Variants in TOX observed in about 807,000 individuals in gnomAD.
TOX encodes the protein thymocyte selection associated high mobility group box, also known as thymocyte selection-associated high mobility group box protein TOX.
A neutral mutation model predicts 53.7 loss-of-function variants in TOX; 11 were observed. The ratio of observed to expected loss-of-function variants is 0.20; its 90% CI spans 0.13 to 0.34. The LOEUF is 0.34. TOX is among the 10% of genes least tolerant of loss of function. The pLI, the probability that TOX is intolerant of heterozygous loss-of-function variation, is 1.00. For missense variants in TOX, 570 were observed against 664.6 expected (o/e 0.86, Z 1.56); for synonymous variants, 225 against 245.3 (o/e 0.92, Z 0.77).
chr8:59,041,876 T>C (rs1237011742), intron 1 of TOX, among the ~76,000 whole-genome samples: 1 of 152,250 alleles, frequency 6.6e-6, no homozygotes, highest in Non-Finnish European at 1.5e-5. Flanking sequence ...CTTCTACATT[T>C]AAAATTCTAA....
chr8:58,859,103 C>T (rs915480297), intron 3 of TOX, among the ~76,000 whole-genome samples: 5 of 152,108 alleles, frequency 3.3e-5, no homozygotes, highest in African/African-American at 7.2e-5. Context: ...TTAAATAAAT[C>T]GTTTTTACGT....
At chr8:59,059,054 GC>G (rs1393482715) in intron 1 of TOX, among the ~76,000 whole-genome samples, 1 of 152,142 alleles carries the variant, frequency 6.6e-6, no homozygotes, top group Non-Finnish European at 1.5e-5. Context: ...GAGTAATCTG[GC>G]CAGAGAGGAT....
chr8:58,923,779 G>A (rs1397337705), intron 3 of TOX, among the ~76,000 whole-genome samples: 1 of 152,124 alleles, frequency 6.6e-6, no homozygotes, highest in Admixed American at 6.5e-5. Flanking sequence ...TAGCTTACCA[G>A]GACCTGGGTT....
chr8:58,952,152 T>A (rs1397975563), intron 2 of TOX, among the ~76,000 whole-genome samples: 2 of 152,150 alleles, frequency 1.3e-5, no homozygotes, highest in South Asian at 4.1e-4. Context: ...CAGAAGACAC[T>A]GGGGTAGGTG....
intron 4 of TOX, among the ~76,000 whole-genome samples, chr8:58,845,677 G>C (rs564257496): frequency 1.3e-5 from 2 of 152,198 alleles, no homozygotes; most frequent in South Asian, 2.1e-4. Flanking sequence ...AGTTTGTAAA[G>C]CAATTTCATT....
chr8:59,045,282 T>C lies in TOX; in HGVS notation c.102+73604A>G, dbSNP rs7843389. ...TTAGAAGCAACTGCACTGTATTTCT[T>C]TTCAAATATGAAAGAGAGTTTCACC... is the stretch of plus-strand genomic sequence containing the variant. On this transcript the variant is annotated intron_variant, in intron 1 of 8. Transcript: ENST00000361421. 8.7e-3 allele frequency among the ~76,000 whole-genome samples: 1,320 copies of C among 152,324 alleles called. 23 individuals are homozygous for C. Among genetic ancestry groups the C allele is most frequent in the African/African-American group, 0.03 (1,262 of 41,574 alleles).
intron 3 of TOX, among the ~76,000 whole-genome samples, chr8:58,864,155 T>G (rs568906239): frequency 6.6e-6 from 1 of 152,100 alleles, no homozygotes; most frequent in Non-Finnish European, 1.5e-5. Context: ...AAAACAATCA[T>G]GTGGCCTTTC....
chr8:58,910,095 C>T, intron 3 of TOX, among the ~76,000 whole-genome samples: 1 of 152,064 alleles, frequency 6.6e-6, no homozygotes, highest in Non-Finnish European at 1.5e-5. Flanking sequence ...TTAAATGGCC[C>T]TAATTGTGCC....
chr8:59,064,138 C>A (rs1355890205), intron 1 of TOX, among the ~76,000 whole-genome samples: 1 of 152,108 alleles, frequency 6.6e-6, no homozygotes, highest in Admixed American at 6.5e-5. Flanking sequence ...ATTGTAATTA[C>A]CATGTTCCCT....
At position 58,953,774 on chromosome 8, in the gene TOX, A is replaced by G. The variant is rs116423773; in HGVS notation, c.168+6169T>C. Among the ~76,000 whole-genome samples, 723 of 152,306 alleles carry G rather than the reference A, an allele frequency of 4.7e-3. 2 individuals carry two copies. Among genetic ancestry groups the G allele is most frequent in the African/African-American group, 0.017 (699 of 41,566 alleles). ...ACTTCTGAAATTTCTGCCAAAAGGA[A>G]CTAATCCAAAAGGAATTGGTTTAAT... On this transcript the variant is annotated intron_variant, in intron 2 of 8. Transcript: ENST00000361421.
At chr8:58,957,312 CAAG>C (rs929511132) in intron 2 of TOX, among the ~76,000 whole-genome samples, 7 of 152,076 alleles carry the variant, frequency 4.6e-5, no homozygotes, top group African/African-American at 1.7e-4. Flanking sequence ...GTCAATATTC[CAAG>C]AATGGTGCCA....
chr8:58,942,948 T>C (rs1036096951), intron 2 of TOX, among the ~76,000 whole-genome samples: 1 of 152,218 alleles, frequency 6.6e-6, no homozygotes, highest in Non-Finnish European at 1.5e-5. Context: ...AGAAGTTTCC[T>C]GAAGCCTCAC....
chr8:58,934,173 C>G (rs754025526), intron 3 of TOX, among the ~76,000 whole-genome samples: 11 of 152,212 alleles, frequency 7.2e-5, no homozygotes, highest in East Asian at 3.9e-4. Flanking sequence ...GAAATTCTAC[C>G]CTGTTTTATA....
At chr8:58,841,559 T>C (rs1172135808) in intron 4 of TOX, among the ~76,000 whole-genome samples, 1 of 152,226 alleles carries the variant, frequency 6.6e-6, no homozygotes, top group African/African-American at 2.4e-5. Context: ...CTTTCAGTTA[T>C]AAGATGAATA....
chr8:59,064,088 G>C (rs1235303672), intron 1 of TOX, among the ~76,000 whole-genome samples: 1 of 152,106 alleles, frequency 6.6e-6, no homozygotes, highest in African/African-American at 2.4e-5. Flanking sequence ...GGTGGGGGGA[G>C]GTGACAGCAA....
At chr8:58,945,405 T>C (rs959239964) in intron 2 of TOX, among the ~76,000 whole-genome samples, 2 of 152,226 alleles carry the variant, frequency 1.3e-5, no homozygotes, top group African/African-American at 4.8e-5. Context: ...TGATTTGCTT[T>C]GGTTTGATCT....
chr8:59,030,878 C>T (rs891195201), intron 1 of TOX, among the ~76,000 whole-genome samples: 1 of 152,118 alleles, frequency 6.6e-6, no homozygotes, highest in South Asian at 2.1e-4. Context: ...CTTTTCTATC[C>T]ACATACTGAG....
intron 3 of TOX, among the ~76,000 whole-genome samples, chr8:58,886,881 A>G (rs1563379690): frequency 6.7e-6 from 1 of 150,236 alleles, no homozygotes; most frequent in Non-Finnish European, 1.5e-5. Flanking sequence ...AGTACTTTCA[A>G]TGTGTTAAAG....
intron 5 of TOX, among the ~76,000 whole-genome samples, chr8:58,829,851 TC>T (rs200138885): frequency 2.6e-5 from 4 of 151,876 alleles, no homozygotes; most frequent in Admixed American, 1.3e-4. Context: ...TTAAAAATTA[TC>T]AAAAAAAAAT....
Sources: allele counts gnomAD v4.1 joint callset (sites outside exome capture counted in the v4.1 genomes callset), GRCh38; gene constraint gnomAD v4.1.1; transcripts MANE v1.5; gene names NCBI Gene and HGNC (gene_info 2026-07-23, HGNC 2026-07-21).